The following ATP8B1 variants were observed in gnomAD, a reference collection of about 807,000 sequenced individuals.
ATP8B1 encodes the protein ATPase phospholipid transporting 8B1.
In ATP8B1, 80 loss-of-function variants were observed where a neutral mutation model predicts 149.9. The ratio of observed to expected loss-of-function variants is 0.53; its 90% CI spans 0.45 to 0.64. ATP8B1 has a LOEUF of 0.64. ATP8B1 is among the 30% of genes least tolerant of loss of function. ATP8B1 has a pLI of 0.00. For missense variants in ATP8B1, 1,247 were observed against 1,552.6 expected (o/e 0.80, Z 3.31); for synonymous variants, 536 against 562.8 (o/e 0.95, Z 0.67).
At chr18:57,668,400 C>G (rs1206204523) in intron 19 of ATP8B1, 29 bp downstream of exon 19, 1 of 1,538,594 alleles carries the variant, frequency 6.5e-7, no homozygotes. Context: ...TGTGAATTAA[C>G]AGATATGCTT....
intron 12 of ATP8B1, among the ~76,000 whole-genome samples, chr18:57,690,826 C>G (rs552610589): frequency 7.9e-5 from 12 of 152,212 alleles, no homozygotes; most frequent in African/African-American, 2.9e-4. Flanking sequence ...AAAGCACTAT[C>G]CCTCCCAAAA....
intron 1 of ATP8B1, among the ~76,000 whole-genome samples, chr18:57,760,816 C>A (rs2080142468): frequency 6.6e-6 from 1 of 151,840 alleles, no homozygotes; most frequent in Admixed American, 6.6e-5. Flanking sequence ...TGGTGAAACC[C>A]CGTCTCTACT....
At chr18:57,648,784 A>T in intron 27 of ATP8B1, 72 bp from the exon 28 acceptor site, 2 of 1,444,762 alleles carry the variant, frequency 1.4e-6, no homozygotes, top group Non-Finnish European at 1.9e-6. Flanking sequence ...CAGACGGTTG[A>T]CAGAAATGAA....
chr18:57,671,664 C>G, intron 16 of ATP8B1, 84 bp from the exon 17 acceptor site: 1 of 987,750 alleles, frequency 1.0e-6, no homozygotes, highest in Non-Finnish European at 1.6e-6. Context: ...GCTCTGTTGT[C>G]CAGGCTGGAG....
chr18:57,765,361 A>C (rs1270549056), intron 1 of ATP8B1, among the ~76,000 whole-genome samples: 1 of 152,160 alleles, frequency 6.6e-6, no homozygotes, highest in African/African-American at 2.4e-5. Flanking sequence ...CCTTAAAGAC[A>C]CTGAAGTGTA....
chr18:57,725,270 A>AAGGATTCCC (rs2079696029), intron 2 of ATP8B1, among the ~76,000 whole-genome samples: 2 of 151,756 alleles, frequency 1.3e-5, no homozygotes, highest in African/African-American at 4.8e-5. Flanking sequence ...AAGAAAAAAA[A>AAGGATTCCC]TAATCCCATT....
intron 1 of ATP8B1, among the ~76,000 whole-genome samples, chr18:57,767,553 C>T (rs12455574): frequency 0.25 from 37,497 of 151,814 alleles, 5,458 homozygotes; most frequent in Middle Eastern, 0.34. Flanking sequence ...TTGGGGAGGG[C>T]GAGGTGGGTG....
chr18:57,675,975 G>A (rs544513806), intron 15 of ATP8B1, among the ~76,000 whole-genome samples: 4 of 152,112 alleles, frequency 2.6e-5, no homozygotes, highest in East Asian at 1.9e-4. Flanking sequence ...TAAAGTGTTC[G>A]GATTACAGGC....
intron 4 of ATP8B1, among the ~76,000 whole-genome samples, chr18:57,703,902 TG>T (rs1171504341): frequency 1.3e-5 from 2 of 152,164 alleles, no homozygotes; most frequent in Non-Finnish European, 2.9e-5. Context: ...CTAACTACAA[TG>T]ATAAAAGACA....
intron 1 of ATP8B1, among the ~76,000 whole-genome samples, chr18:57,733,430 C>T (rs374735322): frequency 8.6e-5 from 13 of 151,982 alleles, no homozygotes; most frequent in Non-Finnish European, 1.6e-4. Flanking sequence ...AAGGCAGCCA[C>T]GCACGGTGGC....
At chr18:57,794,326 TC>T (rs2060075604) in intron 1 of ATP8B1, among the ~76,000 whole-genome samples, 1 of 152,044 alleles carries the variant, frequency 6.6e-6, no homozygotes, top group South Asian at 2.1e-4. Flanking sequence ...CATAAAGGCA[TC>T]TGATTTTTAT....
intron 3 of ATP8B1, 115 bp downstream of exon 3, chr18:57,706,375 T>C (rs1913393829): frequency 1.3e-6 from 1 of 781,674 alleles, no homozygotes; most frequent in Non-Finnish European, 2.2e-6. Flanking sequence ...TGATTATCAG[T>C]AGCCCCAGGC....
intron 1 of ATP8B1, among the ~76,000 whole-genome samples, chr18:57,759,151 A>T: frequency 9.5e-6 from 1 of 105,650 alleles, no homozygotes; most frequent in East Asian, 2.5e-4. Flanking sequence ...ACGAGATTCC[A>T]TCTCAAAAAA....
intron 2 of ATP8B1, among the ~76,000 whole-genome samples, chr18:57,712,246 G>A (rs942913301): frequency 4.0e-5 from 6 of 151,818 alleles, no homozygotes; most frequent in African/African-American, 1.5e-4. Flanking sequence ...GACTGAAGAG[G>A]GTAGGAAAAA....
At chr18:57,749,397 A>C (rs1457101636) in intron 1 of ATP8B1, among the ~76,000 whole-genome samples, 7 of 152,222 alleles carry the variant, frequency 4.6e-5, no homozygotes, top group Non-Finnish European at 1.0e-4. Context: ...GACTTCAATC[A>C]ACCTGCATCT....
Position 57,655,198 on chromosome 18 carries a change from G to T in ATP8B1, c.2927C>A (p.Ala976Glu). ...FWYSFFNGYSAQTAYEDWFIT... is the reference protein window; with the variant it reads ...FWYSFFNGYSEQTAYEDWFIT... ...ATAATAACAACATTACATTACCTGC[G>T]CAGAGTAGCCATTGAAGAAGGAGTA... is the stretch of plus-strand genomic sequence containing the variant. The change falls in exon 23 of 28, where the codon GCG becomes GAG. Residue 976 changes from alanine to glutamate, a missense_variant. Physicochemically the swap from Ala to Glu is moderately radical, Grantham distance 107 (BLOSUM62 -1). Transcript: ENST00000648908. 1 of 1,603,038 alleles carries T rather than the reference G, an allele frequency of 6.2e-7. No homozygotes were observed. The highest frequency in any genetic ancestry group is 8.5e-7 in the Non-Finnish European group (1 of 1,170,008).
intron 1 of ATP8B1, among the ~76,000 whole-genome samples, chr18:57,754,283 C>T (rs1345042868): frequency 2.0e-5 from 3 of 151,810 alleles, no homozygotes; most frequent in Non-Finnish European, 2.9e-5. Context: ...ACTAAAAATA[C>T]AAAACTTAGC....
chr18:57,716,376 C>G (rs2079583014), intron 2 of ATP8B1, among the ~76,000 whole-genome samples: 1 of 151,134 alleles, frequency 6.6e-6, no homozygotes, highest in African/African-American at 2.4e-5. Flanking sequence ...TGTAAATGGG[C>G]TAAACTGTCA....
intron 1 of ATP8B1, among the ~76,000 whole-genome samples, chr18:57,787,013 T>A (rs1193127096): frequency 6.6e-6 from 1 of 152,168 alleles, no homozygotes; most frequent in South Asian, 2.1e-4. Flanking sequence ...TTTGAGAGTT[T>A]ACAAAGACTG....
Sources: allele counts gnomAD v4.1 joint callset (sites outside exome capture counted in the v4.1 genomes callset), GRCh38; gene constraint gnomAD v4.1.1; transcripts MANE v1.5; gene names NCBI Gene and HGNC (gene_info 2026-07-23, HGNC 2026-07-21).